Variants in KIAA1671 observed in about 807,000 individuals in gnomAD.
KIAA1671 encodes KIAA1671, also known as uncharacterized protein KIAA1671.
Under a neutral mutation model 131.2 loss-of-function variants are expected in KIAA1671, and 52 were observed. The ratio of observed to expected loss-of-function variants is 0.40; its 90% CI spans 0.32 to 0.50. The LOEUF (loss-of-function observed/expected upper bound fraction) is 0.50, where lower values mean the gene tolerates loss of function less well. Ranked by LOEUF, KIAA1671 falls within the 20% of genes least tolerant of loss-of-function variation. The probability of loss-of-function intolerance (pLI) is 0.73; values close to 1 mark genes in which losing one functional copy is unlikely to be tolerated. For missense variants in KIAA1671, 2,360 were observed against 2,364.2 expected (o/e 1.00, Z 0.04); for synonymous variants, 1,003 against 961.6 (o/e 1.04, Z -0.80).
chr22:25,030,081 C>T (rs1382592920), intron 3 of KIAA1671, among the ~76,000 whole-genome samples: 6 of 152,162 alleles, frequency 3.9e-5, no homozygotes, highest in East Asian at 3.9e-4. Flanking sequence ...TTCGTTAATA[C>T]TGATACTCTT....
At chr22:24,986,872 G>C (rs1923573873) in intron 1 of KIAA1671, among the ~76,000 whole-genome samples, 1 of 151,934 alleles carries the variant, frequency 6.6e-6, no homozygotes, top group Non-Finnish European at 1.5e-5. Flanking sequence ...GAAGGACAAA[G>C]CCCCTTGCCC....
chr22:25,088,121 T>C (rs1929831532), intron 6 of KIAA1671, among the ~76,000 whole-genome samples: 1 of 151,110 alleles, frequency 6.6e-6, no homozygotes, highest in African/African-American at 2.4e-5. Flanking sequence ...CTTTTTTTTT[T>C]TTTTGAGACA....
intron 1 of KIAA1671, among the ~76,000 whole-genome samples, chr22:25,017,470 G>A (rs1343878632): frequency 1.3e-5 from 2 of 152,172 alleles, no homozygotes; most frequent in Non-Finnish European, 2.9e-5. Flanking sequence ...AGGTCTTACA[G>A]GGAGTTACTT....
chr22:25,052,752 T>A (rs982342022), intron 6 of KIAA1671: 1 of 152,164 alleles, frequency 6.6e-6, no homozygotes, highest in African/African-American at 2.4e-5. Context: ...AGTCTCACTC[T>A]GCCGCCCAGG....
intron 6 of KIAA1671, among the ~76,000 whole-genome samples, chr22:25,110,568 G>A (rs1931277857): frequency 1.3e-5 from 2 of 152,162 alleles, no homozygotes; most frequent in African/African-American, 4.8e-5. Context: ...ATGGATCCCT[G>A]CTAGAAGGAG....
chr22:25,063,302 G>C (rs1205138370), intron 6 of KIAA1671: 2 of 143,174 alleles, frequency 1.4e-5, no homozygotes, highest in African/African-American at 2.7e-5. Context: ...TGAGCGCACG[G>C]CATGACAAAA....
At chr22:25,128,901 A>G (rs531953654) in intron 6 of KIAA1671, among the ~76,000 whole-genome samples, 1 of 152,204 alleles carries the variant, frequency 6.6e-6, no homozygotes, top group Admixed American at 6.5e-5. Context: ...CAGCTAACCT[A>G]CCCCTGTCAA....
chr22:24,996,790 G>A (rs1453434141), intron 1 of KIAA1671, among the ~76,000 whole-genome samples: 1 of 152,168 alleles, frequency 6.6e-6, no homozygotes, highest in Non-Finnish European at 1.5e-5. Context: ...CAGCATGTTG[G>A]AGGACAGCCC....
chr22:24,957,201 G>T (rs185706265), intron 1 of KIAA1671, among the ~76,000 whole-genome samples: 3 of 152,232 alleles, frequency 2.0e-5, no homozygotes, highest in East Asian at 1.9e-4. Flanking sequence ...GTGTGTTGGG[G>T]GGAGAGAGGG....
intron 1 of KIAA1671, chr22:25,023,818 A>T (rs1925796969): frequency 6.6e-6 from 1 of 151,940 alleles, no homozygotes; most frequent in South Asian, 2.1e-4. Flanking sequence ...GGTGGCATGC[A>T]CCTGTAGTCC....
intron 4 of KIAA1671, among the ~76,000 whole-genome samples, chr22:25,036,135 C>A (rs1019507784): frequency 6.6e-6 from 1 of 152,112 alleles, no homozygotes; most frequent in Non-Finnish European, 1.5e-5. Context: ...GGCTGGAGTG[C>A]AATGGCACAA....
intron 6 of KIAA1671, among the ~76,000 whole-genome samples, chr22:25,079,017 A>G (rs1264392065): frequency 6.6e-6 from 1 of 152,156 alleles, no homozygotes; most frequent in African/African-American, 2.4e-5. Flanking sequence ...AGAAATATTG[A>G]TAGCAACTTC....
intron 10 of KIAA1671, among the ~76,000 whole-genome samples, chr22:25,183,059 G>A (rs1259490053): frequency 1.3e-5 from 2 of 149,626 alleles, no homozygotes; most frequent in East Asian, 1.9e-4. Context: ...TGAGGAAAGA[G>A]GCCCTTTTGC....
chr22:25,137,043 G>T (rs574935336), intron 6 of KIAA1671, among the ~76,000 whole-genome samples: 11 of 152,256 alleles, frequency 7.2e-5, no homozygotes, highest in African/African-American at 2.6e-4. Context: ...ATAACCAGGT[G>T]GTGAGCCTAT....
At chr22:24,974,869 T>G (rs1047851285) in intron 1 of KIAA1671, among the ~76,000 whole-genome samples, 1 of 151,964 alleles carries the variant, frequency 6.6e-6, no homozygotes, top group Non-Finnish European at 1.5e-5. Context: ...AATTTTTGTA[T>G]TTTTAGTAGA....
chr22:25,175,890 C>T (rs565510230), intron 8 of KIAA1671: 13 of 152,314 alleles, frequency 8.5e-5, no homozygotes, highest in African/African-American at 2.6e-4. Flanking sequence ...ATGCCCACCA[C>T]GATTTGGGTC....
At chr22:25,095,514 G>A (rs373831638) in intron 6 of KIAA1671, among the ~76,000 whole-genome samples, 168 of 152,262 alleles carry the variant, frequency 1.1e-3, no homozygotes, top group African/African-American at 3.6e-3. Context: ...AGCCAGGCAT[G>A]GTGGCGGGCA....
chr22:25,028,176 G>A lies in KIAA1671; in HGVS notation c.177G>A (p.Arg59=). Residue 59 remains arginine, a synonymous_variant, in exon 3 of 13, where the codon CGG becomes CGA. Coordinates refer to ENST00000358431, the MANE Select transcript of KIAA1671 (RefSeq NM_001145206.2). ...EAKSPLRSPA[R]LLPLPRLAPK... Reference sequence around the variant, plus strand: ...AGAGCCCCCTGCGGAGCCCGGCCCGGTTACTCCCTCTGCCAAGGCTCGCCC... The same window carrying A: ...AGAGCCCCCTGCGGAGCCCGGCCCGATTACTCCCTCTGCCAAGGCTCGCCC... 1 of 1,550,068 alleles carries A rather than the reference G, an allele frequency of 6.5e-7. No individual in the cohort carries two copies. Among genetic ancestry groups the A allele is most frequent in the South Asian group, 1.2e-5 (1 of 83,946 alleles).
At chr22:25,118,800 A>G (rs1220353805) in intron 6 of KIAA1671, among the ~76,000 whole-genome samples, 3 of 151,598 alleles carry the variant, frequency 2.0e-5, no homozygotes, top group Non-Finnish European at 4.4e-5. Flanking sequence ...CTTTATGCTC[A>G]CTCTGACCTT....
Sources: gnomAD v4.1 joint callset for allele counts (sites outside exome capture counted in the v4.1 genomes callset) on GRCh38, gnomAD v4.1.1 for gene constraint, MANE v1.5 for transcripts, NCBI Gene and HGNC (gene_info 2026-07-23, HGNC 2026-07-21) for gene names.